The following NCKAP5 variants were observed in gnomAD, a reference collection of about 807,000 sequenced individuals.
NCKAP5 encodes the protein NCK associated protein 5, also known as nck-associated protein 5.
In NCKAP5, 92 loss-of-function variants were observed where a neutral mutation model predicts 167.0. The ratio of observed to expected loss-of-function variants is 0.55; its 90% CI spans 0.47 to 0.66. The LOEUF is 0.66. NCKAP5 is among the 30% of genes least tolerant of loss of function. NCKAP5 has a pLI of 0.00. For missense variants in NCKAP5, 2,378 were observed against 2,315.0 expected, an observed-to-expected ratio of 1.03 and a Z score of -0.56; for synonymous variants, 891 against 877.4, an observed-to-expected ratio of 1.02 and a Z score of -0.27.
At chr2:132,861,412 C>T (rs182287462) in intron 10 of NCKAP5, among the ~76,000 whole-genome samples, 46 of 152,060 alleles carry the variant, frequency 3.0e-4, no homozygotes, top group Non-Finnish European at 7.4e-5. Flanking sequence ...TCAAGGCAGA[C>T]GCAGTAGAAT....
intron 3 of NCKAP5, among the ~76,000 whole-genome samples, chr2:133,492,688 A>C (rs1681580150): frequency 6.6e-6 from 1 of 152,234 alleles, no homozygotes; most frequent in Non-Finnish European, 1.5e-5. Context: ...ATAACCTGTG[A>C]GATTGTATAT....
chr2:132,758,651 T>A (rs1407579358), intron 16 of NCKAP5, among the ~76,000 whole-genome samples: 5 of 152,110 alleles, frequency 3.3e-5, no homozygotes, highest in Non-Finnish European at 5.9e-5. Flanking sequence ...TAGGGACATG[T>A]CCCTTTCTTT....
At chr2:133,318,136 C>T (rs984273611) in intron 3 of NCKAP5, among the ~76,000 whole-genome samples, 7 of 152,168 alleles carry the variant, frequency 4.6e-5, no homozygotes, top group African/African-American at 1.7e-4. Context: ...TTCTCTAATA[C>T]CAGCATAAAC....
At chr2:133,347,731 G>A (rs1684074313) in intron 3 of NCKAP5, among the ~76,000 whole-genome samples, 1 of 152,014 alleles carries the variant, frequency 6.6e-6, no homozygotes, top group South Asian at 2.1e-4. Flanking sequence ...TGACCTGTAT[G>A]TGTATTGGGC....
chr2:132,781,123 T>C lies in NCKAP5; in HGVS notation c.4978A>G (p.Ile1660Val). 1 of 1,613,944 alleles carries C rather than the reference T, an allele frequency of 6.2e-7. No homozygotes were observed. Among genetic ancestry groups the C allele is most frequent in the Non-Finnish European group, 8.5e-7 (1 of 1,179,874 alleles). ...TTCTTGTGGTTTCCTTGAGTACTGA[T>C]AGAGCTGCCGATGAGACAGGAGCCC... Reference protein sequence around the residue: ...SQGSCLIGSSISTQGNHKKNM... With the variant: ...SQGSCLIGSSVSTQGNHKKNM... Residue 1660 changes from isoleucine (I) to valine (V), a missense_variant, in exon 15 of 20, where the codon ATC becomes GTC. Ile to Val is a conservative substitution (Grantham distance 29). Transcript: ENST00000409261.
chr2:133,529,486 T>G (rs1685186630), intron 2 of NCKAP5, among the ~76,000 whole-genome samples: 1 of 152,130 alleles, frequency 6.6e-6, no homozygotes, highest in Non-Finnish European at 1.5e-5. Flanking sequence ...GGGTAGAAAT[T>G]TAGATAGTTG....
the NCKAP5 span, among the ~76,000 whole-genome samples, chr2:133,613,727 TC>T: frequency 8.5e-5 from 13 of 152,278 alleles, no homozygotes; most frequent in Admixed American, 6.5e-4. Context: ...GAGGCCACCC[TC>T]TTTATTCTCT....
intron 9 of NCKAP5, among the ~76,000 whole-genome samples, chr2:132,870,990 A>T (rs183289325): frequency 2.6e-5 from 4 of 152,264 alleles, no homozygotes; most frequent in Admixed American, 2.6e-4. Context: ...TCAAAGTTAC[A>T]TTGCAGACAT....
At chr2:133,401,148 C>T (rs920633890) in intron 3 of NCKAP5, among the ~76,000 whole-genome samples, 3 of 152,098 alleles carry the variant, frequency 2.0e-5, no homozygotes, top group Admixed American at 6.6e-5. Flanking sequence ...TGTAACAGAA[C>T]GTCCACAAAA....
At chr2:132,963,595 G>A (rs1002621179) in intron 8 of NCKAP5, 125 bp downstream of exon 8, 32 of 993,614 alleles carry the variant, frequency 3.2e-5, no homozygotes, top group South Asian at 1.0e-4. Flanking sequence ...GCAGGAAATC[G>A]TAGATCATAT....
chr2:133,620,477 A>G, the NCKAP5 span, among the ~76,000 whole-genome samples: 1 of 152,158 alleles, frequency 6.6e-6, no homozygotes, highest in Non-Finnish European at 1.5e-5. Flanking sequence ...AGCTGTTTTT[A>G]TATCAGATCA....
intron 4 of NCKAP5, among the ~76,000 whole-genome samples, chr2:133,274,064 C>T (rs1410143839): frequency 6.6e-6 from 1 of 151,106 alleles, no homozygotes; most frequent in Non-Finnish European, 1.5e-5. Flanking sequence ...GACAAGGATC[C>T]TTCCATCACC....
intron 3 of NCKAP5, among the ~76,000 whole-genome samples, chr2:133,469,213 C>CA (rs1292178749): frequency 6.6e-6 from 1 of 151,924 alleles, no homozygotes; most frequent in African/African-American, 2.4e-5. Flanking sequence ...CTGGTGGTGA[C>CA]AAAATCTCTC....
chr2:133,493,247 C>T (rs1255129913), intron 3 of NCKAP5, among the ~76,000 whole-genome samples: 4 of 152,072 alleles, frequency 2.6e-5, no homozygotes, highest in Non-Finnish European at 5.9e-5. Context: ...TTAGAGAGAG[C>T]CAGATGTATA....
At chr2:132,845,810 C>T (rs1018003260) in intron 11 of NCKAP5, among the ~76,000 whole-genome samples, 1 of 152,154 alleles carries the variant, frequency 6.6e-6, no homozygotes, top group Non-Finnish European at 1.5e-5. Flanking sequence ...CTTGACAAGT[C>T]CCATAAAAAA....
chr2:133,064,019 A>T, intron 6 of NCKAP5, among the ~76,000 whole-genome samples: 1 of 152,204 alleles, frequency 6.6e-6, no homozygotes. Context: ...AGTTGTTGCC[A>T]CACAAATCAG....
At chr2:132,766,759 C>A (rs555550459) in intron 16 of NCKAP5, among the ~76,000 whole-genome samples, 12 of 152,348 alleles carry the variant, frequency 7.9e-5, no homozygotes, top group Admixed American at 3.9e-4. Context: ...CATCAACATT[C>A]TGGCATTGGG....
At chr2:133,224,750 C>A (rs575819199) in intron 4 of NCKAP5, among the ~76,000 whole-genome samples, 1 of 152,112 alleles carries the variant, frequency 6.6e-6, no homozygotes, top group African/African-American at 2.4e-5. Context: ...GCACTCCTAC[C>A]TAAAATGTTT....
chr2:132,947,766 A>G (rs1313393792), intron 8 of NCKAP5, among the ~76,000 whole-genome samples: 1 of 152,188 alleles, frequency 6.6e-6, no homozygotes, highest in Non-Finnish European at 1.5e-5. Context: ...AGATATGGGA[A>G]ATGAAGAATT....
Sources: gnomAD v4.1 joint callset for allele counts (sites outside exome capture counted in the v4.1 genomes callset) on GRCh38, gnomAD v4.1.1 for gene constraint, MANE v1.5 for transcripts, NCBI Gene and HGNC (gene_info 2026-07-23, HGNC 2026-07-21) for gene names.